Variants in OSBPL9 observed in about 807,000 individuals in gnomAD.
The protein encoded by OSBPL9 is oxysterol binding protein like 9.
In OSBPL9, 40 loss-of-function variants were observed where a neutral mutation model predicts 106.6. That is an observed-to-expected ratio of 0.38 (90% CI 0.29 to 0.49). OSBPL9 has a LOEUF of 0.49. OSBPL9 is among the 20% of genes least tolerant of loss of function. OSBPL9 has a pLI of 0.97. For missense variants in OSBPL9, 609 were observed against 887.2 expected (o/e 0.69, Z 3.98); for synonymous variants, 269 against 295.4 (o/e 0.91, Z 0.92).
chr1:51,697,273 G>C (rs1656234066), intron 3 of OSBPL9, among the ~76,000 whole-genome samples: 1 of 151,890 alleles, frequency 6.6e-6, no homozygotes. Flanking sequence ...TTAATTACTT[G>C]AGATCATGAA....
In OSBPL9 at chr1:51,787,798, A is replaced by T. The variant is rs1678079102; in HGVS notation, c.*9A>T. The T allele has an allele frequency of 6.2e-7, 1 of 1,606,572 alleles. No homozygotes were observed. Among genetic ancestry groups the T allele is most frequent in the African/African-American group, 1.3e-5 (1 of 74,740 alleles). The stretch of plus-strand genomic sequence containing the variant: ...GTGCTGCCAAGCATTAGGTTGGAAG[A>T]TGCAAAGTTTATACCTGATGATCAG... On this transcript the variant is annotated 3_prime_UTR_variant, in exon 24 of 24. Coordinates refer to ENST00000428468, the MANE Select transcript of OSBPL9 (RefSeq NM_024586.6).
At chr1:51,536,531 T>C in the OSBPL9 span, among the ~76,000 whole-genome samples, 1 of 152,154 alleles carries the variant, frequency 6.6e-6, no homozygotes, top group African/African-American at 2.4e-5. Context: ...TTGCCCAGAC[T>C]GGCCTATAAT....
At chr1:51,701,875 C>A (rs1657344079) in intron 3 of OSBPL9, among the ~76,000 whole-genome samples, 1 of 152,088 alleles carries the variant, frequency 6.6e-6, no homozygotes, top group Admixed American at 6.5e-5. Flanking sequence ...TCAATTCCCA[C>A]CTATGAGTGA....
At chr1:51,769,203 T>TCC (rs397778208) in intron 12 of OSBPL9, among the ~76,000 whole-genome samples, 1 of 151,598 alleles carries the variant, frequency 6.6e-6, no homozygotes, top group Non-Finnish European at 1.5e-5. Context: ...ATTTTCTAAC[T>TCC]GAGGTCAAAT....
intron 2 of OSBPL9, among the ~76,000 whole-genome samples, chr1:51,609,207 A>G (rs753846992): frequency 2.6e-5 from 4 of 151,740 alleles, no homozygotes; most frequent in Non-Finnish European, 5.9e-5. Context: ...TTGATTCTTA[A>G]TCTTTTTTCC....
chr1:51,639,958 G>A (rs565342459), intron 1 of OSBPL9, among the ~76,000 whole-genome samples: 1 of 151,134 alleles, frequency 6.6e-6, no homozygotes, highest in Admixed American at 6.6e-5. Context: ...CCAGTAGCTG[G>A]GACTATAGGC....
chr1:51,625,776 G>A, intron 1 of OSBPL9, among the ~76,000 whole-genome samples: 1 of 151,948 alleles, frequency 6.6e-6, no homozygotes. Context: ...CACCCTCCTC[G>A]GCCTCCCAAA....
At chr1:51,701,764 A>G (rs146174172) in intron 3 of OSBPL9, among the ~76,000 whole-genome samples, 1,942 of 152,218 alleles carry the variant, frequency 0.013, 40 homozygotes, top group African/African-American at 0.042. Flanking sequence ...ATCATTTAAC[A>G]TTAGGTATAT....
At chr1:51,620,019 T>C (rs929988821) in intron 1 of OSBPL9, among the ~76,000 whole-genome samples, 2 of 152,186 alleles carry the variant, frequency 1.3e-5, no homozygotes, top group African/African-American at 4.8e-5. Context: ...AGAGTGACCT[T>C]GCTTTAGAGT....
the OSBPL9 span, among the ~76,000 whole-genome samples, chr1:51,557,371 G>GCAGT: frequency 6.6e-6 from 1 of 152,144 alleles, no homozygotes; most frequent in Non-Finnish European, 1.5e-5. Context: ...TGAGTTGTCA[G>GCAGT]CAGTCTTGTT....
chr1:51,577,752 T>C (rs114559504), intron 1 of OSBPL9, among the ~76,000 whole-genome samples: 1,619 of 152,348 alleles, frequency 0.011, 15 homozygotes, highest in Non-Finnish European at 0.018. Context: ...TTGCATTCTC[T>C]TAACAGCCCT....
At chr1:51,748,475 C>T (rs1246318038) in intron 7 of OSBPL9, 77 bp downstream of exon 7, 3 of 1,333,104 alleles carry the variant, frequency 2.3e-6, no homozygotes, top group Non-Finnish European at 2.9e-6. Flanking sequence ...TAAGCTGCCA[C>T]TATTGATGAC....
At chr1:51,665,640 A>G (rs1321413449) in intron 2 of OSBPL9, among the ~76,000 whole-genome samples, 1 of 152,156 alleles carries the variant, frequency 6.6e-6, no homozygotes, top group Non-Finnish European at 1.5e-5. Flanking sequence ...CATCAGATCA[A>G]TTGTGCATAT....
chr1:51,748,471 G>GT, intron 7 of OSBPL9, 73 bp downstream of exon 7: 1 of 1,368,350 alleles, frequency 7.3e-7, no homozygotes, highest in Non-Finnish European at 9.5e-7. Flanking sequence ...ATTTTAAGCT[G>GT]CCACTATTGA....
At position 51,715,648 on chromosome 1, in the gene OSBPL9, C is replaced by A. The variant is rs374511419; in HGVS notation, c.318+1569C>A. Among the ~76,000 whole-genome samples the A allele has an allele frequency of 3.3e-5, 5 of 152,288 alleles. No individual in the cohort carries two copies. The South Asian group carries it at 1.0e-3, about 32-fold the overall frequency. On this transcript the variant is annotated intron_variant, in intron 4 of 23. Coordinates refer to ENST00000428468, the MANE Select transcript of OSBPL9 (RefSeq NM_024586.6). The stretch of plus-strand genomic sequence containing the variant: ...GTGGCAGATGAGATTTCCCGCCCCC[C>A]CATTGTTGGTTAGACTGACATTCAA...
chr1:51,620,418 A>T (rs144841740), intron 1 of OSBPL9, among the ~76,000 whole-genome samples: 1 of 152,128 alleles, frequency 6.6e-6, no homozygotes, highest in African/African-American at 2.4e-5. Context: ...CATGGTACCT[A>T]TAATATGTTG....
the OSBPL9 span, among the ~76,000 whole-genome samples, chr1:51,562,334 C>T: frequency 6.6e-6 from 1 of 152,136 alleles, no homozygotes; most frequent in African/African-American, 2.4e-5. Flanking sequence ...CCTGCTCCCA[C>T]CGTGTGAGAA....
At chr1:51,664,236 G>A (rs1647864097) in intron 2 of OSBPL9, among the ~76,000 whole-genome samples, 1 of 152,110 alleles carries the variant, frequency 6.6e-6, no homozygotes, top group Admixed American at 6.5e-5. Context: ...CATGCACAAT[G>A]GAATTGATAA....
chr1:51,556,192 T>G, the OSBPL9 span, among the ~76,000 whole-genome samples: 1 of 152,326 alleles, frequency 6.6e-6, no homozygotes, highest in East Asian at 1.9e-4. Context: ...AAGCACACTG[T>G]CTAGCAGTTA....
Sources: gnomAD v4.1 joint callset for allele counts (sites outside exome capture counted in the v4.1 genomes callset) on GRCh38, gnomAD v4.1.1 for gene constraint, MANE v1.5 for transcripts, NCBI Gene and HGNC (gene_info 2026-07-23, HGNC 2026-07-21) for gene names.